EPHA3: variants seen among roughly 807,000 people sequenced by gnomAD.
EPHA3 encodes the protein ephrin type-A receptor 3.
A neutral mutation model predicts 107.1 loss-of-function variants in EPHA3; 42 were observed. The ratio of observed to expected loss-of-function variants is 0.39; its 90% confidence interval spans 0.31 to 0.51. The LOEUF (loss-of-function observed/expected upper bound fraction) is 0.51, where lower values mean the gene tolerates loss of function less well. Among genes scored for constraint, EPHA3 ranks in the 20% least tolerant of loss-of-function variants. The pLI is 0.78. For synonymous variants in EPHA3, 461 were observed against 424.8 expected, an observed-to-expected ratio of 1.09 and a Z score of -1.05; for missense variants, 1,183 against 1,211.2, an observed-to-expected ratio of 0.98 and a Z score of 0.35.
intron 2 of EPHA3, among the ~76,000 whole-genome samples, chr3:89,149,035 A>C (rs1460932298): frequency 1.3e-5 from 2 of 151,924 alleles, no homozygotes; most frequent in Admixed American, 1.3e-4. Flanking sequence ...AGCGCATACC[A>C]ATCAGAGATT....
At chr3:89,373,929 A>G (rs552551485) in intron 5 of EPHA3, among the ~76,000 whole-genome samples, 3 of 151,980 alleles carry the variant, frequency 2.0e-5, no homozygotes, top group Admixed American at 1.3e-4. Flanking sequence ...AGGGTCAAAT[A>G]GAGTCCATTT....
At chr3:89,204,514 C>CA (rs1428328068) in intron 2 of EPHA3, among the ~76,000 whole-genome samples, 1 of 89,806 alleles carries the variant, frequency 1.1e-5, no homozygotes, top group Non-Finnish European at 3.0e-5. Flanking sequence ...ACACCCCAAA[C>CA]AAAAAAACAA....
intron 3 of EPHA3, among the ~76,000 whole-genome samples, chr3:89,330,781 G>A (rs188684810): frequency 6.6e-6 from 1 of 151,906 alleles, no homozygotes; most frequent in Non-Finnish European, 1.5e-5. Context: ...TAAATTTTCC[G>A]CTCTGTTTTC....
chr3:89,317,785 T>C (rs1706944212), intron 3 of EPHA3, among the ~76,000 whole-genome samples: 1 of 151,826 alleles, frequency 6.6e-6, no homozygotes, highest in South Asian at 2.1e-4. Flanking sequence ...ATAAAAAAGT[T>C]AGAAAGAGAA....
At chr3:89,382,714 T>C (rs188025430) in intron 5 of EPHA3, among the ~76,000 whole-genome samples, 78 of 152,224 alleles carry the variant, frequency 5.1e-4, no homozygotes, top group African/African-American at 1.9e-3. Flanking sequence ...AGGGACTGTC[T>C]CTAGCAGTCT....
chr3:89,428,635 C>G (rs954377398), intron 11 of EPHA3, among the ~76,000 whole-genome samples: 12 of 152,056 alleles, frequency 7.9e-5, no homozygotes, highest in Admixed American at 3.3e-4. Context: ...GATCTACTTG[C>G]TCCCCACTAA....
chr3:89,360,421 T>C (rs1708068879), intron 5 of EPHA3, among the ~76,000 whole-genome samples: 1 of 150,976 alleles, frequency 6.6e-6, no homozygotes, highest in Non-Finnish European at 1.5e-5. Flanking sequence ...CACTGGCAAT[T>C]GCTTATAAGG....
rs74770033 is a variant in EPHA3 at position 89,474,969 on chromosome 3, A to C, written c.2846+2350A>C. Reference sequence around the variant, plus strand: ...CTGCACACTGAGTCAGGTGGTATGGATATGTCCATATTGCACTCCCCACAA... The same window carrying C: ...CTGCACACTGAGTCAGGTGGTATGGCTATGTCCATATTGCACTCCCCACAA... On this transcript the variant is annotated intron_variant, in intron 16 of 16. Transcript: ENST00000336596. 9.8e-3 allele frequency among the ~76,000 whole-genome samples: 1,487 copies of C among 152,220 alleles called. 20 individuals are homozygous for C. The highest frequency in any genetic ancestry group is 0.03 in the African/African-American group (1,258 of 41,536).
intron 15 of EPHA3, among the ~76,000 whole-genome samples, chr3:89,451,192 G>T (rs557548579): frequency 6.6e-6 from 1 of 152,204 alleles, no homozygotes; most frequent in Admixed American, 6.5e-5. Context: ...TGCAATCCTG[G>T]ATGCACAAAG....
intron 15 of EPHA3, among the ~76,000 whole-genome samples, chr3:89,457,175 G>A (rs1174441871): frequency 1.3e-5 from 2 of 152,094 alleles, no homozygotes; most frequent in East Asian, 3.9e-4. Flanking sequence ...TACAGAAAAG[G>A]GAAGACATGC....
chr3:89,435,369 G>A (rs1017157453), intron 13 of EPHA3, among the ~76,000 whole-genome samples: 8 of 150,266 alleles, frequency 5.3e-5, no homozygotes, highest in Non-Finnish European at 1.2e-4. Flanking sequence ...AGAGGCCAAG[G>A]CAGGAGGACC....
chr3:89,325,270 A>G (rs1707139843), intron 3 of EPHA3, among the ~76,000 whole-genome samples: 1 of 152,212 alleles, frequency 6.6e-6, no homozygotes, highest in South Asian at 2.1e-4. Flanking sequence ...AAATAAATAC[A>G]TTTCTTTCTA....
At chr3:89,157,049 G>T (rs1704823423) in intron 2 of EPHA3, among the ~76,000 whole-genome samples, 1 of 151,974 alleles carries the variant, frequency 6.6e-6, no homozygotes, top group South Asian at 2.1e-4. Flanking sequence ...TATGTAGCAT[G>T]CAAAAGCTGA....
chr3:89,383,692 A>G (rs1167011692), intron 5 of EPHA3, among the ~76,000 whole-genome samples: 1 of 117,832 alleles, frequency 8.5e-6, no homozygotes. Flanking sequence ...TCTGTAGCCC[A>G]GGCTGGAGTG....
intron 5 of EPHA3, among the ~76,000 whole-genome samples, chr3:89,382,111 AGT>A (rs1035373915): frequency 6.6e-6 from 1 of 152,132 alleles, no homozygotes; most frequent in African/African-American, 2.4e-5. Flanking sequence ...GCTTGAAAAA[AGT>A]TCTAGATTAT....
intron 2 of EPHA3, among the ~76,000 whole-genome samples, chr3:89,131,440 G>C (rs1198443914): frequency 6.6e-6 from 1 of 152,092 alleles, no homozygotes; most frequent in Non-Finnish European, 1.5e-5. Flanking sequence ...TAAATTGATT[G>C]TACTTAAATT....
At chr3:89,301,563 T>A (rs1426853473) in intron 3 of EPHA3, among the ~76,000 whole-genome samples, 1 of 152,060 alleles carries the variant, frequency 6.6e-6, no homozygotes, top group Non-Finnish European at 1.5e-5. Context: ...CTCCTCATGT[T>A]GGTGGATGTT....
chr3:89,214,526 T>A (rs1704180174), intron 3 of EPHA3, among the ~76,000 whole-genome samples: 1 of 151,998 alleles, frequency 6.6e-6, no homozygotes, highest in Non-Finnish European at 1.5e-5. Context: ...TATATATTTG[T>A]GTATTCATTA....
intron 2 of EPHA3, among the ~76,000 whole-genome samples, chr3:89,161,064 A>C (rs1444194234): frequency 6.6e-6 from 1 of 152,174 alleles, no homozygotes; most frequent in Non-Finnish European, 1.5e-5. Context: ...TGATGATCTC[A>C]TCTCACATCA....
Sources: allele counts gnomAD v4.1 joint callset (sites outside exome capture counted in the v4.1 genomes callset), GRCh38; gene constraint gnomAD v4.1.1; transcripts MANE v1.5; gene names NCBI Gene and HGNC (gene_info 2026-07-23, HGNC 2026-07-21).